The following IL1RAPL1 variants were observed in gnomAD, a reference collection of about 807,000 sequenced individuals.
The protein encoded by IL1RAPL1 is interleukin 1 receptor accessory protein like 1.
IL1RAPL1 carries 3 observed loss-of-function variants against 48.4 expected under a neutral mutation model. The ratio of observed to expected loss-of-function variants is 0.06; its 90% CI spans 0.03 to 0.16. The LOEUF is 0.16. Among genes scored for constraint, IL1RAPL1 ranks in the 10% least tolerant of loss-of-function variants. IL1RAPL1 has a pLI of 1.00. For synonymous variants in IL1RAPL1, 185 were observed against 187.7 expected (o/e 0.99, Z 0.12); for missense variants, 349 against 530.6 (o/e 0.66, Z 3.36).
intron 5 of IL1RAPL1, among the ~76,000 whole-genome samples, chrX:29,490,852 G>GTATATATATATATATATACGTA (rs753856512): frequency 5.3e-5 from 5 of 93,641 alleles, no homozygotes; most frequent in African/African-American, 2.5e-4. Flanking sequence ...GTGTGTGTGT[G>GTATATATATATATATATACGTA]TATATATATA....
At chrX:28,895,964 T>G (rs776954431) in intron 2 of IL1RAPL1, among the ~76,000 whole-genome samples, 24 of 112,061 alleles carry the variant, frequency 2.1e-4, no homozygotes, top group Admixed American at 1.8e-3. Context: ...TGATTTTCAG[T>G]GGGGTCCCAC....
intron 8 of IL1RAPL1, among the ~76,000 whole-genome samples, chrX:29,936,160 T>G (rs1323868662): frequency 2.7e-5 from 3 of 109,877 alleles, no homozygotes; most frequent in Non-Finnish European, 5.7e-5. Context: ...CTGAGTTGAG[T>G]ATCTTTGTAG....
At chrX:28,774,165 T>G (rs1171419684) in intron 1 of IL1RAPL1, among the ~76,000 whole-genome samples, 1 of 112,027 alleles carries the variant, frequency 8.9e-6, no homozygotes, top group Non-Finnish European at 1.9e-5. Flanking sequence ...TATTTTTCCC[T>G]CTTTAGATGA....
intron 3 of IL1RAPL1, among the ~76,000 whole-genome samples, chrX:29,321,943 A>C: frequency 9.0e-6 from 1 of 111,415 alleles, no homozygotes. Context: ...TCTAACCTTT[A>C]AAAGTAGTTT....
intron 10 of IL1RAPL1, among the ~76,000 whole-genome samples, 196 bp from the exon 11 acceptor site, chrX:29,954,906 G>C (rs1007809790): frequency 8.9e-6 from 1 of 112,005 alleles, no homozygotes; most frequent in Non-Finnish European, 1.9e-5. Context: ...ATCTCATTTT[G>C]TGAGCCTTGA....
intron 5 of IL1RAPL1, among the ~76,000 whole-genome samples, chrX:29,519,853 G>A (rs1447910304): frequency 9.0e-6 from 1 of 111,431 alleles, no homozygotes; most frequent in Non-Finnish European, 1.9e-5. Context: ...GTCCCCAGCA[G>A]GGTTGATTCC....
At chrX:29,142,160 C>G (rs1448505957) in intron 2 of IL1RAPL1, among the ~76,000 whole-genome samples, 1 of 111,582 alleles carries the variant, frequency 9.0e-6, no homozygotes, top group African/African-American at 3.3e-5. Flanking sequence ...ATTAATTTAT[C>G]TACAAACCTT....
intron 1 of IL1RAPL1, among the ~76,000 whole-genome samples, chrX:28,787,556 C>T (rs182709427): frequency 4.5e-5 from 5 of 111,320 alleles, no homozygotes; most frequent in East Asian, 2.8e-4. Flanking sequence ...TTAAAGGTGC[C>T]GCCATTAAAA....
intron 2 of IL1RAPL1, among the ~76,000 whole-genome samples, chrX:29,278,674 T>C (rs1932154141): frequency 8.9e-6 from 1 of 112,477 alleles, no homozygotes; most frequent in African/African-American, 3.2e-5. Flanking sequence ...TTATATGAAT[T>C]ACATACAATT....
At chrX:29,150,306 G>A (rs964979288) in intron 2 of IL1RAPL1, among the ~76,000 whole-genome samples, 4 of 111,764 alleles carry the variant, frequency 3.6e-5, no homozygotes, top group East Asian at 5.6e-4. Flanking sequence ...TTTCTTATCC[G>A]TTGTTCCTCT....
At chrX:29,468,017 C>T (rs1194245397) in intron 5 of IL1RAPL1, among the ~76,000 whole-genome samples, 5 of 110,859 alleles carry the variant, frequency 4.5e-5, no homozygotes, top group South Asian at 7.8e-4. Context: ...CCTGCCACCA[C>T]GCCTGGCTAA....
chrX:29,001,126 A>G (rs1269727456), intron 2 of IL1RAPL1, among the ~76,000 whole-genome samples: 2 of 111,772 alleles, frequency 1.8e-5, no homozygotes, highest in East Asian at 5.6e-4. Context: ...ACAGTGTCAC[A>G]CATGACATAC....
chrX:28,950,651 T>C (rs749248007), intron 2 of IL1RAPL1, among the ~76,000 whole-genome samples: 3 of 109,040 alleles, frequency 2.8e-5, no homozygotes, highest in Non-Finnish European at 1.9e-5. Context: ...GAAGAGGTCC[T>C]TCACACTTTT....
chrX:28,858,551 G>T (rs1450430027), intron 2 of IL1RAPL1, among the ~76,000 whole-genome samples: 2 of 112,270 alleles, frequency 1.8e-5, no homozygotes, highest in African/African-American at 6.5e-5. Context: ...AAGATTTGTG[G>T]AAGGCTCAGA....
intron 5 of IL1RAPL1, among the ~76,000 whole-genome samples, chrX:29,518,394 T>C (rs1935469314): frequency 9.0e-6 from 1 of 111,074 alleles, no homozygotes; most frequent in Non-Finnish European, 1.9e-5. Flanking sequence ...CCAATGTTGC[T>C]GGTTTGGGAG....
intron 2 of IL1RAPL1, among the ~76,000 whole-genome samples, chrX:29,004,940 G>A (rs1925940732): frequency 8.9e-6 from 1 of 112,088 alleles, no homozygotes; most frequent in Admixed American, 9.5e-5. Context: ...TTAATCTGTG[G>A]AAACACTGAA....
At chrX:29,606,058 T>G (rs1360606082) in intron 5 of IL1RAPL1, among the ~76,000 whole-genome samples, 1 of 112,403 alleles carries the variant, frequency 8.9e-6, no homozygotes, top group Non-Finnish European at 1.9e-5. Flanking sequence ...CCATCTAACA[T>G]CTGAATGATT....
chrX:29,420,139 G>C (rs1324118210), intron 5 of IL1RAPL1, among the ~76,000 whole-genome samples: 1 of 111,928 alleles, frequency 8.9e-6, no homozygotes, highest in African/African-American at 3.3e-5. Flanking sequence ...GGGGAATTTG[G>C]TCACTGACCA....
chrX:29,692,595 T>C (rs1926802855), intron 6 of IL1RAPL1, among the ~76,000 whole-genome samples: 1 of 112,518 alleles, frequency 8.9e-6, no homozygotes, highest in Non-Finnish European at 1.9e-5. Flanking sequence ...CAGCCTATTC[T>C]TGTCACATGG....
Sources: gnomAD v4.1 joint callset for allele counts (sites outside exome capture counted in the v4.1 genomes callset) on GRCh38, gnomAD v4.1.1 for gene constraint, MANE v1.5 for transcripts, NCBI Gene and HGNC (gene_info 2026-07-23, HGNC 2026-07-21) for gene names.